C3orf20: variants seen among roughly 807,000 people sequenced by gnomAD.
The protein encoded by C3orf20 is uncharacterized protein C3orf20.
A neutral mutation model predicts 88.3 loss-of-function variants in C3orf20; 76 were observed. The observed-to-expected ratio is 0.86, with a 90% CI of 0.72 to 1.04. The LOEUF is 1.04. C3orf20 is among the 50% of genes least tolerant of loss of function. The pLI is 0.00. For synonymous variants in C3orf20, 436 were observed against 437.4 expected (o/e 1.00, Z 0.04); for missense variants, 1,056 against 1,123.3 (o/e 0.94, Z 0.86).
chr3:14,768,233 G>T lies in C3orf20; in HGVS notation c.2496-3834G>T, dbSNP rs2035769450. Among the ~76,000 whole-genome samples, 1 of 151,846 alleles carries T rather than the reference G, an allele frequency of 6.6e-6. No homozygotes were observed. Among genetic ancestry groups the T allele is most frequent in the African/African-American group, 2.4e-5 (1 of 41,166 alleles). ...TCTAGTTGGATCAGCAGTGCAGGGGGCCCACACCCTCGTCCGCTGCATACA... is the reference window on the plus strand; with the variant it reads ...TCTAGTTGGATCAGCAGTGCAGGGGTCCCACACCCTCGTCCGCTGCATACA... On this transcript the variant is annotated intron_variant, in intron 15 of 16. Transcript: ENST00000253697. The surrounding 1 kb of genome is among the most constrained non-coding windows in gnomAD (Gnocchi z 4.1).
At chr3:14,761,420 C>T in intron 14 of C3orf20, 53 bp from the exon 15 acceptor site, 1 of 1,607,192 alleles carries the variant, frequency 6.2e-7, no homozygotes. Flanking sequence ...TATCAGTGGA[C>T]ACTGCTGTGC....
chr3:14,757,345 C>T (rs1362975288), intron 12 of C3orf20, 26 bp from the exon 13 acceptor site: 82 of 1,594,824 alleles, frequency 5.1e-5, no homozygotes, highest in Non-Finnish European at 7.0e-5. Flanking sequence ...TCTGAGGGTC[C>T]CTGTGCACTG....
intron 15 of C3orf20, 117 bp downstream of exon 15, chr3:14,761,732 T>TGGGGGG: frequency 3.4e-6 from 1 of 291,364 alleles, no homozygotes; most frequent in Non-Finnish European, 5.7e-6. Context: ...AGGGATGGAG[T>TGGGGGG]GGGGAGGGGG....
chr3:14,683,701 C>A (rs909390771), intron 3 of C3orf20, among the ~76,000 whole-genome samples: 1 of 151,920 alleles, frequency 6.6e-6, no homozygotes, highest in African/African-American at 2.4e-5. Flanking sequence ...TATGGTGAAA[C>A]CCTGACTCTA....
At chr3:14,741,265 G>A (rs1284857927) in intron 12 of C3orf20, among the ~76,000 whole-genome samples, 1 of 152,108 alleles carries the variant, frequency 6.6e-6, no homozygotes, top group Non-Finnish European at 1.5e-5. Context: ...AGCCAAGGTT[G>A]TTTATCAGAG....
rs1037659747 is a variant in C3orf20 at position 14,768,996 on chromosome 3, T to C, written c.2496-3071T>C. Among the ~76,000 whole-genome samples, 4 of 152,094 alleles carry C rather than the reference T, an allele frequency of 2.6e-5. No individual in the cohort carries two copies. Among genetic ancestry groups the C allele is most frequent in the African/African-American group, 9.7e-5 (4 of 41,344 alleles). On this transcript the variant is annotated intron_variant, in intron 15 of 16. Coordinates refer to ENST00000253697, the MANE Select transcript of C3orf20 (RefSeq NM_032137.5). This position sits in a 1 kb window ranked among gnomAD's most constrained non-coding sequence, Gnocchi z 4.1. ...CACCCCAGCAGGACAGCTGTGTGGC[T>C]CTGCTGGCCTAGTCGTTCACGATCC...
chr3:14,744,198 TTTC>T (rs1280844030), intron 12 of C3orf20, among the ~76,000 whole-genome samples: 5 of 151,950 alleles, frequency 3.3e-5, no homozygotes, highest in Non-Finnish European at 7.3e-5. Flanking sequence ...TGCTTAGAAA[TTTC>T]TTCCACCAGA....
At chr3:14,753,079 G>A (rs569034829) in intron 12 of C3orf20, among the ~76,000 whole-genome samples, 33 of 152,270 alleles carry the variant, frequency 2.2e-4, no homozygotes, top group African/African-American at 7.0e-4. Flanking sequence ...CAAAGGCTTG[G>A]AACCAACCCA....
chr3:14,771,140 AG>A (rs2035849196), intron 15 of C3orf20, among the ~76,000 whole-genome samples: 2 of 152,314 alleles, frequency 1.3e-5, no homozygotes, highest in South Asian at 4.1e-4. Flanking sequence ...CCCTTATAAA[AG>A]GCTCCAGAAG....
chr3:14,759,522 T>C (rs907431586), intron 13 of C3orf20, among the ~76,000 whole-genome samples: 1 of 152,154 alleles, frequency 6.6e-6, no homozygotes, highest in African/African-American at 2.4e-5. Flanking sequence ...CTCAAAAGCC[T>C]GGAAACGGGT....
At chr3:14,761,831 G>T (rs1312404392) in intron 15 of C3orf20, among the ~76,000 whole-genome samples, 1 of 152,120 alleles carries the variant, frequency 6.6e-6, no homozygotes, top group Non-Finnish European at 1.5e-5. Context: ...AGAGATGGGA[G>T]CAGGTGCAGA....
At chr3:14,702,511 G>A (rs2033316029) in intron 5 of C3orf20, among the ~76,000 whole-genome samples, 1 of 147,620 alleles carries the variant, frequency 6.8e-6, no homozygotes, top group Admixed American at 6.9e-5. Flanking sequence ...TGTGATTTCA[G>A]TTCACTGCAA....
intron 12 of C3orf20, among the ~76,000 whole-genome samples, chr3:14,743,757 G>A (rs1214825369): frequency 6.6e-6 from 1 of 152,014 alleles, no homozygotes; most frequent in Non-Finnish European, 1.5e-5. Context: ...TCAACTCCTT[G>A]TGGAAGCTGC....
In C3orf20 at chr3:14,721,734, C is replaced by T. The variant is rs2034169973; in HGVS notation, c.1516C>T (p.Leu506Phe). ...CACCTCCCTGAATGAGACAGTAACA[C>T]TCACTGTGTCGGCCAACAATTGTCC... ...TFTSLNETVT[L>F]TVSANNCPHG... The change falls in exon 10 of 17, where the codon CTC becomes TTC. Residue 506 changes from leucine to phenylalanine, a missense_variant. Physicochemically the swap from Leu to Phe is conservative, Grantham distance 22. Transcript: ENST00000253697. 3.1e-6 allele frequency: 5 copies of T among 1,614,186 alleles called. No individual in the cohort carries two copies. The East Asian group carries it at 1.1e-4, about 36-fold the overall frequency.
At chr3:14,750,211 T>C (rs2035180252) in intron 12 of C3orf20, among the ~76,000 whole-genome samples, 1 of 152,200 alleles carries the variant, frequency 6.6e-6, no homozygotes, top group African/African-American at 2.4e-5. Context: ...TGGGAATGTC[T>C]TACTTTCTCC....
At chr3:14,707,065 T>C (rs537650278) in intron 7 of C3orf20, among the ~76,000 whole-genome samples, 7 of 151,864 alleles carry the variant, frequency 4.6e-5, no homozygotes, top group South Asian at 4.2e-4. Context: ...CTGGCTAACA[T>C]GGTGAAACCC....
intron 4 of C3orf20, among the ~76,000 whole-genome samples, chr3:14,684,646 G>A (rs561172298): frequency 1.3e-4 from 20 of 152,270 alleles, no homozygotes; most frequent in South Asian, 4.2e-4. Flanking sequence ...CCCTAGAGCC[G>A]TGCTCTCAAG....
intron 9 of C3orf20, among the ~76,000 whole-genome samples, chr3:14,719,768 T>C (rs1356179036): frequency 6.6e-6 from 1 of 152,184 alleles, no homozygotes; most frequent in Non-Finnish European, 1.5e-5. Context: ...TCTGCTGAAA[T>C]TGACTAACCA....
chr3:14,756,028 CAAAA>C (rs56242160), intron 12 of C3orf20, among the ~76,000 whole-genome samples: 1 of 72,734 alleles, frequency 1.4e-5, no homozygotes, highest in Admixed American at 1.5e-4. Context: ...GACTCCATCT[CAAAA>C]AAAAAAAAAA....
Sources: allele counts gnomAD v4.1 joint callset (sites outside exome capture counted in the v4.1 genomes callset), GRCh38; gene constraint gnomAD v4.1.1; non-coding constraint Gnocchi (gnomAD v3.1); transcripts MANE v1.5; gene names NCBI Gene and HGNC (gene_info 2026-07-23, HGNC 2026-07-21).